Variants in TSC1 observed in about 807,000 individuals in gnomAD.
The protein encoded by TSC1 is hamartin.
TSC1 carries 20 observed loss-of-function variants against 124.3 expected under a neutral mutation model. That is an observed-to-expected ratio of 0.16 (90% CI 0.11 to 0.23). The LOEUF is 0.23. Among genes scored for constraint, TSC1 ranks in the 10% least tolerant of loss-of-function variants. The pLI is 1.00. For synonymous variants in TSC1, 493 were observed against 539.1 expected, an observed-to-expected ratio of 0.91 and a Z score of 1.19; for missense variants, 1,124 against 1,448.5, an observed-to-expected ratio of 0.78 and a Z score of 3.64.
At chr9:132,912,699 C>G in intron 8 of TSC1, 1 of 526,314 alleles carries the variant, frequency 1.9e-6, no homozygotes, top group South Asian at 2.1e-5. Context: ...AATATTTCCT[C>G]AACAAAAGAC....
At chr9:132,940,638 C>T (rs531838793) in intron 1 of TSC1, 3 of 152,314 alleles carry the variant, frequency 2.0e-5, no homozygotes, top group East Asian at 3.9e-4. Context: ...AGGCAACTTA[C>T]TCTAAGCCTG....
At chr9:132,930,048 A>T (rs985676091) in intron 2 of TSC1, among the ~76,000 whole-genome samples, 9 of 152,198 alleles carry the variant, frequency 5.9e-5, no homozygotes, top group African/African-American at 2.2e-4. Context: ...TGCATGCCCA[A>T]AAAGGATAAC....
At chr9:132,918,028 T>A (rs1846353840) in intron 8 of TSC1, among the ~76,000 whole-genome samples, 1 of 152,184 alleles carries the variant, frequency 6.6e-6, no homozygotes, top group African/African-American at 2.4e-5. Context: ...CCAGCCAAGG[T>A]GAGTGAGGCT....
At position 132,928,818 on chromosome 9, in the gene TSC1, G is replaced by A; in HGVS notation, c.55C>T (p.Leu19=). 1 of 1,614,214 alleles carries A rather than the reference G, an allele frequency of 6.2e-7. No homozygotes were observed. The highest frequency in any genetic ancestry group is 8.5e-7 in the Non-Finnish European group (1 of 1,180,048). Residue 19 remains leucine (L), a synonymous_variant, in exon 3 of 23, where the codon CTG becomes TTG. Transcript: ENST00000298552. ...ELLAMLDSPM[L]GVRDDVTAVF... ...GCTGTCACGTCGTCCCGCACACCCA[G>A]CATGGGGGAGTCCAGCATGGCAAGA...
chr9:132,913,137 G>A (rs1846057400), intron 8 of TSC1, among the ~76,000 whole-genome samples: 1 of 152,036 alleles, frequency 6.6e-6, no homozygotes, highest in Non-Finnish European at 1.5e-5. Context: ...TCACTTTGTT[G>A]CTCATGCTGG....
chr9:132,928,918 G>T lies in TSC1; in HGVS notation c.-46C>A. The T allele has an allele frequency of 5.6e-6, 9 of 1,611,272 alleles. No individual in the cohort carries two copies. The highest frequency in any genetic ancestry group is 7.6e-6 in the Non-Finnish European group (9 of 1,179,156). On this transcript the variant is annotated 5_prime_UTR_variant, in exon 3 of 23. The change creates a new upstream start codon in the 5' untranslated region. Transcript: ENST00000298552. ...TGCTGGCTCCAGGACGTGTGCTACA[G>T]GTTCTGAAGGTTCTTCATTGGGGCC... is the stretch of plus-strand genomic sequence containing the variant.
In TSC1 at chr9:132,893,481, T is replaced by C. The variant is rs1012548812; in HGVS notation, c.*2754A>G. ...ATGCAGATCTGTGTGTTTATTCACC[T>C]GCAGGGACTCCGGAGCTCATTTGCT... On this transcript the variant is annotated 3_prime_UTR_variant, in exon 23 of 23. Transcript: ENST00000298552. The C allele has an allele frequency of 1.3e-5, 3 of 233,204 alleles. No individual in the cohort carries two copies. The highest frequency in any genetic ancestry group is 4.4e-5 in the African/African-American group (2 of 45,364). 14.4% of individuals were successfully genotyped at this position (233,204 alleles called of 1,614,324 possible).
At position 132,905,707 on chromosome 9, in the gene TSC1, G is replaced by A. The variant is rs754401816; in HGVS notation, c.1871C>T (p.Thr624Ile). 2 of 1,614,012 alleles carry A rather than the reference G, an allele frequency of 1.2e-6. No homozygotes were observed. The highest frequency in any genetic ancestry group is 3.3e-5 in the Admixed American group (2 of 60,002). The stretch of plus-strand genomic sequence containing the variant: ...TTTTGCTTTCTTTAACAGCTCCTCA[G>A]TCTTCCTGATGACAAAATGATGGGC... Reference protein sequence around the residue: ...KTAHHFVIRKTEELLKKAKGN... With the variant: ...KTAHHFVIRKIEELLKKAKGN... The change falls in exon 15 of 23, where the codon ACT becomes ATT. Residue 624 changes from threonine to isoleucine, a missense_variant. Thr to Ile is a moderately conservative substitution (Grantham distance 89). Coordinates refer to ENST00000298552, the MANE Select transcript of TSC1 (RefSeq NM_000368.5).
At chr9:132,904,271 T>C in intron 16 of TSC1, 140 bp downstream of exon 16, 1 of 937,012 alleles carries the variant, frequency 1.1e-6, no homozygotes, top group Middle Eastern at 2.6e-4. Flanking sequence ...TTGAGATCCT[T>C]TAGCCAAGCA....
rs2131842231 is a variant in TSC1 at position 132,906,021 on chromosome 9, G to A, written c.1557C>T (p.Thr519=). 6.2e-7 allele frequency: 1 copy of A among 1,614,100 alleles called. No homozygotes were observed. Among genetic ancestry groups the A allele is most frequent in the Non-Finnish European group, 8.5e-7 (1 of 1,180,024 alleles). The change falls in exon 15 of 23, where the codon ACC becomes ACT. Residue 519 remains threonine, a synonymous_variant. Coordinates refer to ENST00000298552, the MANE Select transcript of TSC1 (RefSeq NM_000368.5). The surrounding 1 kb of genome is among the most constrained non-coding windows in gnomAD (Gnocchi z 4.1). ...CCTGAGAACTGGAGGCTGCCGAGTG[G>A]GTCTTCCGCTGAGAACCTGGGAGAC... is the stretch of plus-strand genomic sequence containing the variant. ...RDSLPGSQRK[T]HSAASSSQGA...
At position 132,923,640 on chromosome 9, in the gene TSC1, C is replaced by T. The variant is rs1022734608; in HGVS notation, c.364-148G>A. 2.7e-6 allele frequency: 3 copies of T among 1,102,828 alleles called. No individual in the cohort carries two copies. In the African/African-American group the frequency reaches 4.7e-5, roughly 17 times the overall value. 68.3% of individuals were successfully genotyped at this position (1,102,828 alleles called of 1,614,324 possible). Reference sequence around the variant, plus strand: ...CTCATTTCCCTATCCCTAAGGATTACTGAAGGGATAACATTCAAACAGACT... The same window carrying T: ...CTCATTTCCCTATCCCTAAGGATTATTGAAGGGATAACATTCAAACAGACT... On this transcript the variant is annotated intron_variant, in intron 5 of 22. Transcript: ENST00000298552. This position sits in a 1 kb window ranked among gnomAD's most constrained non-coding sequence, Gnocchi z 4.2.
At chr9:132,941,159 T>C (rs1343978153) in intron 1 of TSC1, 4 of 152,224 alleles carry the variant, frequency 2.6e-5, no homozygotes, top group Admixed American at 2.0e-4. Flanking sequence ...ACTTATTAGA[T>C]GTAAATCTGA....
In TSC1 at chr9:132,923,314, A is replaced by C. The variant is rs997441800; in HGVS notation, c.508+34T>G. Reference sequence around the variant, plus strand: ...AATCAATAATGAAAGCATTCACCTCACAGGGCCCAACAGGTATATGAGGAG... The same window carrying C: ...AATCAATAATGAAAGCATTCACCTCCCAGGGCCCAACAGGTATATGAGGAG... On this transcript the variant is annotated intron_variant, in intron 6 of 22. Coordinates refer to ENST00000298552, the MANE Select transcript of TSC1 (RefSeq NM_000368.5). This position sits in a 1 kb window ranked among gnomAD's most constrained non-coding sequence, Gnocchi z 4.2. The C allele has an allele frequency of 3.7e-6, 6 of 1,611,212 alleles. No homozygotes were observed. Among genetic ancestry groups the C allele is most frequent in the Non-Finnish European group, 5.1e-6 (6 of 1,177,982 alleles).
At chr9:132,926,849 T>G (rs1846892310) in intron 4 of TSC1, 1 of 315,202 alleles carries the variant, frequency 3.2e-6, no homozygotes, top group South Asian at 2.8e-5. Context: ...TAATTTTTTG[T>G]ATTTTTTAGT....
At chr9:132,910,255 C>T (rs542805692) in intron 12 of TSC1, 16 of 576,770 alleles carry the variant, frequency 2.8e-5, no homozygotes, top group Admixed American at 9.3e-5. Flanking sequence ...GAGCCATGAT[C>T]GTGCCACTGC....
At chr9:132,930,034 G>A (rs556976426) in intron 2 of TSC1, among the ~76,000 whole-genome samples, 2 of 152,266 alleles carry the variant, frequency 1.3e-5, no homozygotes, top group African/African-American at 2.4e-5. Flanking sequence ...TACACATGGG[G>A]ATATGCATGC....
intron 1 of TSC1, 116 bp from the exon 2 acceptor site, chr9:132,935,211 C>T (rs559759193): frequency 1.5e-5 from 6 of 395,812 alleles, no homozygotes; most frequent in South Asian, 1.4e-4. Context: ...GTGGCCACCA[C>T]GTTTCCACTG....
Position 132,910,992 on chromosome 9 carries a change from A to G in TSC1, c.1141+10T>C, listed in dbSNP as rs367601694. ...ACCAACTAATCAAATCCAACCTAAG[A>G]CATACATACCAGTTGTACCAAAGAC... On this transcript the variant is annotated intron_variant, in intron 11 of 22. Transcript: ENST00000298552. 2.0e-5 allele frequency: 32 copies of G among 1,611,372 alleles called. 2 individuals are homozygous for G. The East Asian group carries it at 2.5e-4, about 12-fold the overall frequency.
Position 132,896,157 on chromosome 9 carries a change from G to C in TSC1, c.*78C>G. 2.5e-6 allele frequency: 4 copies of C among 1,602,158 alleles called. No individual in the cohort carries two copies. Among genetic ancestry groups the C allele is most frequent in the Non-Finnish European group, 3.4e-6 (4 of 1,172,246 alleles). Reference sequence around the variant, plus strand: ...ACTTGCACTCAGACCCTGGAAACAGGAAAGCTTTGAAACGTGCATTCACAC... The same window carrying C: ...ACTTGCACTCAGACCCTGGAAACAGCAAAGCTTTGAAACGTGCATTCACAC... On this transcript the variant is annotated 3_prime_UTR_variant, in exon 23 of 23. Transcript: ENST00000298552. The surrounding 1 kb of genome is among the most constrained non-coding windows in gnomAD (Gnocchi z 4.5).
Sources: gnomAD v4.1 joint callset for allele counts (sites outside exome capture counted in the v4.1 genomes callset) on GRCh38, gnomAD v4.1.1 for gene constraint, Gnocchi (gnomAD v3.1) non-coding constraint, MANE v1.5 for transcripts, NCBI Gene and HGNC (gene_info 2026-07-23, HGNC 2026-07-21) for gene names.